The following AQP5 variants were observed in gnomAD, a reference collection of about 807,000 sequenced individuals.
The protein encoded by AQP5 is aquaporin-5.
AQP5 carries 15 observed loss-of-function variants against 19.1 expected under a neutral mutation model. The ratio of observed to expected loss-of-function variants is 0.79; its 90% CI spans 0.53 to 1.21. The LOEUF (loss-of-function observed/expected upper bound fraction) is 1.21, where lower values mean the gene tolerates loss of function less well. AQP5 is among the 50% of genes most tolerant of loss of function. AQP5 has a pLI of 0.00. For missense variants in AQP5, 355 were observed against 357.1 expected (o/e 0.99, Z 0.05); for synonymous variants, 182 against 160.3 (o/e 1.14, Z -1.02).
In AQP5 at chr12:49,962,579, C is replaced by G. The variant is rs552563216; in HGVS notation, c.363+199C>G. 2.2e-4 allele frequency: 153 copies of G among 697,202 alleles called. 3 individuals carry two copies. The South Asian group carries it at 3.0e-3, about 14-fold the overall frequency. 43.2% of individuals were successfully genotyped at this position (697,202 alleles called of 1,614,324 possible). On this transcript the variant is annotated intron_variant, in intron 1 of 3. Coordinates refer to ENST00000293599, the MANE Select transcript of AQP5 (RefSeq NM_001651.4). ...CCCTTCCTGCCCACCTCCTCTCCCC[C>G]TCCCCTCATGCTGGCCCACCCTGGT...
chr12:49,965,507 C>A lies in AQP5; in HGVS notation c.*330C>A, dbSNP rs1479236113. On this transcript the variant is annotated 3_prime_UTR_variant, in exon 4 of 4. Transcript: ENST00000293599. ...CCCCCCACCTTCCCCAACCCTTCCT[C>A]AAGAGCTGAAGGGATCCCAGCCCCT... The A allele has an allele frequency of 4.8e-6, 1 of 206,800 alleles. No individual in the cohort carries two copies. Among genetic ancestry groups the A allele is most frequent in the East Asian group, 1.1e-4 (1 of 8,788 alleles). The allele number at this position is 206,800 out of a possible 1,614,324, so 12.8% of individuals were successfully genotyped here.
rs932005767 is a variant in AQP5, at chr12:49,961,970, A to C, written c.-48A>C. On this transcript the variant is annotated 5_prime_UTR_variant, in exon 1 of 4. Coordinates refer to ENST00000293599, the MANE Select transcript of AQP5 (RefSeq NM_001651.4). Reference sequence around the variant, plus strand: ...CACCTCCTCCGCCGCCTGCGACCCAACGGGCGCCCCCCGCCGCGGCAGCTG... The same window carrying C: ...CACCTCCTCCGCCGCCTGCGACCCACCGGGCGCCCCCCGCCGCGGCAGCTG... 3 of 1,279,848 alleles carry C rather than the reference A, an allele frequency of 2.3e-6. No individual in the cohort carries two copies. The highest frequency in any genetic ancestry group is 2.0e-6 in the Non-Finnish European group (2 of 1,002,706). The allele number at this position is 1,279,848 out of a possible 1,614,324, so 79.3% of individuals were successfully genotyped here. A position where few individuals can be genotyped will look rare whatever the true frequency, so the allele number is the denominator to read the frequency against.
chr12:49,965,215 C>A lies in AQP5; in HGVS notation c.*38C>A. On this transcript the variant is annotated 3_prime_UTR_variant, in exon 4 of 4. Coordinates refer to ENST00000293599, the MANE Select transcript of AQP5 (RefSeq NM_001651.4). ...AGGGGCCAGCCCCTCAGCCCCTGAG[C>A]CAAGGGGGAAAAGAAGAAAAAGTAC... The A allele has an allele frequency of 6.5e-7, 1 of 1,539,658 alleles. No individual in the cohort carries two copies. Among genetic ancestry groups the A allele is most frequent in the Non-Finnish European group, 8.7e-7 (1 of 1,146,982 alleles).
intron 3 of AQP5, chr12:49,964,678 T>G: frequency 4.1e-6 from 4 of 985,290 alleles, no homozygotes; most frequent in Non-Finnish European, 4.8e-6. Context: ...CATCCGTCTC[T>G]CTGAGGACCC....
At position 49,963,356 on chromosome 12, in the gene AQP5, G is replaced by C. The variant is rs1367742593; in HGVS notation, c.364-136G>C. 5 of 1,181,198 alleles carry C rather than the reference G, an allele frequency of 4.2e-6. No individual in the cohort carries two copies. The Admixed American group carries it at 1.1e-4, about 27-fold the overall frequency. 73.2% of individuals were successfully genotyped at this position (1,181,198 alleles called of 1,614,324 possible). On this transcript the variant is annotated intron_variant, in intron 1 of 3. Coordinates refer to ENST00000293599, the MANE Select transcript of AQP5 (RefSeq NM_001651.4). ...GTGTCTTTAACAAATGGCTTCGCTG[G>C]GGCGATGTCCACAGGACTTGGCTTC...
At chr12:49,964,657 C>T (rs776580438) in intron 3 of AQP5, 30 of 985,106 alleles carry the variant, frequency 3.0e-5, no homozygotes, top group Non-Finnish European at 3.3e-5. Context: ...GGAGGGGACA[C>T]GCGCTCTGTT....
At chr12:49,964,578 GAC>G in intron 3 of AQP5, 1 of 918,400 alleles carries the variant, frequency 1.1e-6, no homozygotes, top group Non-Finnish European at 1.3e-6. Flanking sequence ...TGTCCCTGTG[GAC>G]AGTCTGTCTG....
At position 49,962,312 on chromosome 12, in the gene AQP5, A is replaced by G. The variant is rs373259927; in HGVS notation, c.295A>G (p.Ile99Val). Residue 99 changes from isoleucine (I) to valine (V), a missense_variant, in exon 1 of 4, where the codon ATT (isoleucine) becomes GTT (valine). Ile to Val is a conservative substitution (Grantham distance 29, BLOSUM62 3). Transcript: ENST00000293599. Reference sequence around the variant, plus strand: ...CGTGGCGGCCCAGCTGGTGGGCGCCATTGCCGGGGCTGGCATCCTCTACGG... The same window carrying G: ...CGTGGCGGCCCAGCTGGTGGGCGCCGTTGCCGGGGCTGGCATCCTCTACGG... The part of the protein sequence containing the change: ...FYVAAQLVGA[I>V]AGAGILYGVA... The G allele has an allele frequency of 6.2e-6, 10 of 1,605,234 alleles. No homozygotes were observed. The African/African-American group carries it at 8.1e-5, about 13-fold the overall frequency.
intron 2 of AQP5, 152 bp downstream of exon 2, chr12:49,963,808 C>T (rs1947456699): frequency 8.7e-7 from 1 of 1,145,838 alleles, no homozygotes; most frequent in Non-Finnish European, 1.2e-6. Flanking sequence ...CTACTGGGCC[C>T]CAGAATTGAT....
At chr12:49,964,224 C>T in intron 3 of AQP5, 49 bp downstream of exon 3, 2 of 1,568,850 alleles carry the variant, frequency 1.3e-6, no homozygotes, top group Non-Finnish European at 1.8e-6. Context: ...GCCTGGAGAC[C>T]CAGCAGTGGC....
rs927616278 is a variant in AQP5, at chr12:49,965,622, T to G, written c.*445T>G. The G allele has an allele frequency of 1.3e-5, 2 of 155,004 alleles. No homozygotes were observed. The highest frequency in any genetic ancestry group is 4.8e-5 in the African/African-American group (2 of 41,500). 9.6% of individuals were successfully genotyped at this position (155,004 alleles called of 1,614,324 possible). ...CCGCCTTATTTATTTCTGGTGAGGA[T>G]GCATGCGTGGGGCTGCTGGTGTTTA... On this transcript the variant is annotated 3_prime_UTR_variant, in exon 4 of 4. Transcript: ENST00000293599.
chr12:49,963,503 CACA>C lies in AQP5; in HGVS notation c.378_380del (p.Thr127del). 1 of 1,613,846 alleles carries C rather than the reference CACA, an allele frequency of 6.2e-7. No individual in the cohort carries two copies. Among genetic ancestry groups the C allele is most frequent in the Non-Finnish European group, 8.5e-7 (1 of 1,179,994 alleles). On this transcript the variant is annotated inframe_deletion, in exon 2 of 4. Transcript: ENST00000293599. ...CTATCCCCTTGCAGCTCAACAACAA[CACA>C]ACGCAGGGCCAGGCCATGGTGGTGG...
In AQP5 at chr12:49,965,198, G is replaced by C; in HGVS notation, c.*21G>C. On this transcript the variant is annotated 3_prime_UTR_variant, in exon 4 of 4. Coordinates refer to ENST00000293599, the MANE Select transcript of AQP5 (RefSeq NM_001651.4). ...GCTGACCAGTGTCAGGCAGGGGCCAGCCCCTCAGCCCCTGAGCCAAGGGGG... is the reference window on the plus strand; with the variant it reads ...GCTGACCAGTGTCAGGCAGGGGCCACCCCCTCAGCCCCTGAGCCAAGGGGG... 6.3e-7 allele frequency: 1 copy of C among 1,575,370 alleles called. No homozygotes were observed. The highest frequency in any genetic ancestry group is 8.6e-7 in the Non-Finnish European group (1 of 1,162,506).
intron 1 of AQP5, 138 bp downstream of exon 1, chr12:49,962,518 A>AGGCCAGGAAGGCAAGAGCCTCCCAG: frequency 7.4e-7 from 1 of 1,357,060 alleles, no homozygotes; most frequent in Non-Finnish European, 9.7e-7. Context: ...GAGCCTCCCA[A>AGGCCAGGAAGGCAAGAGCCTCCCAG]GGCCAGGAAG....
rs1351853699 is a variant in AQP5 at position 49,962,118 on chromosome 12, A to G, written c.101A>G (p.Lys34Arg). Residue 34 changes from lysine (K) to arginine (R), a missense_variant, in exon 1 of 4, where the codon AAG (lysine) becomes AGG (arginine). Transcript: ENST00000293599. ...TTCTTTGGCCTGGGCTCGGCCCTCA[A>G]GTGGCCGTCGGCGCTGCCTACCATC... ...FVFFGLGSALKWPSALPTILQ... is the reference protein window; with the variant it reads ...FVFFGLGSALRWPSALPTILQ... 2 of 1,613,468 alleles carry G rather than the reference A, an allele frequency of 1.2e-6. No homozygotes were observed. Among genetic ancestry groups the G allele is most frequent in the African/African-American group, 1.3e-5 (1 of 75,012 alleles).
Position 49,963,535 on chromosome 12 carries a change from T to A in AQP5, c.407T>A (p.Leu136Gln). The change falls in exon 2 of 4, where the codon CTG (leucine) becomes CAG (glutamine). Residue 136 changes from leucine to glutamine, a missense_variant. Transcript: ENST00000293599. ...CAGGGCCAGGCCATGGTGGTGGAGC[T>A]GATTCTGACCTTCCAGCTGGCACTC... ...TTQGQAMVVE[L>Q]ILTFQLALCI... The A allele has an allele frequency of 6.2e-7, 1 of 1,613,970 alleles. No individual in the cohort carries two copies. The highest frequency in any genetic ancestry group is 1.1e-5 in the South Asian group (1 of 91,088).
intron 1 of AQP5, 109 bp from the exon 2 acceptor site, chr12:49,963,383 A>G: frequency 6.9e-7 from 1 of 1,447,844 alleles, no homozygotes; most frequent in East Asian, 2.3e-5. Context: ...CTTGGCTTCC[A>G]GGTGCCAAGG....
chr12:49,963,502 A>C lies in AQP5; in HGVS notation c.374A>C (p.Asn125Thr). 6.2e-7 allele frequency: 1 copy of C among 1,613,720 alleles called. No individual in the cohort carries two copies. The highest frequency in any genetic ancestry group is 1.1e-5 in the South Asian group (1 of 91,080). ...GNLAVNALNN[N>T]TTQGQAMVVE... is the part of the protein sequence containing the mutation. ...GCTATCCCCTTGCAGCTCAACAACA[A>C]CACAACGCAGGGCCAGGCCATGGTG... The change falls in exon 2 of 4, where the codon AAC becomes ACC. Residue 125 changes from asparagine (N) to threonine (T), a missense_variant. Transcript: ENST00000293599.
Position 49,962,297 on chromosome 12 carries a change from C to A in AQP5, c.280C>A (p.Gln94Lys), listed in dbSNP as rs1947433869. Residue 94 changes from glutamine (Q) to lysine (K), a missense_variant, in exon 1 of 4, where the codon CAG (glutamine) becomes AAG (lysine). Transcript: ENST00000293599. ...CCGGGCTTTCTTCTACGTGGCGGCCCAGCTGGTGGGCGCCATTGCCGGGGC... is the reference window on the plus strand; with the variant it reads ...CCGGGCTTTCTTCTACGTGGCGGCCAAGCTGGTGGGCGCCATTGCCGGGGC... Reference protein sequence around the residue: ...LLRAFFYVAAQLVGAIAGAGI... With the variant: ...LLRAFFYVAAKLVGAIAGAGI... The A allele has an allele frequency of 6.2e-7, 1 of 1,607,536 alleles. No individual in the cohort carries two copies. The highest frequency in any genetic ancestry group is 1.3e-5 in the African/African-American group (1 of 74,798).
Sources: allele counts gnomAD v4.1 joint callset, GRCh38; gene constraint gnomAD v4.1.1; transcripts MANE v1.5; gene names NCBI Gene and HGNC (gene_info 2026-07-23, HGNC 2026-07-21).